The following TCF4 variants were observed in gnomAD, a reference collection of about 807,000 sequenced individuals.
TCF4 encodes transcription factor 4.
TCF4 carries 3 observed loss-of-function variants against 82.1 expected under a neutral mutation model. The observed-to-expected ratio is 0.04, with a 90% CI of 0.02 to 0.09. TCF4 has a LOEUF of 0.09. Among genes scored for constraint, TCF4 ranks in the 10% least tolerant of loss-of-function variants. The pLI, the probability that TCF4 is intolerant of heterozygous loss-of-function variation, is 1.00. For missense variants in TCF4, 518 were observed against 852.7 expected, an observed-to-expected ratio of 0.61 and a Z score of 4.89; for synonymous variants, 276 against 309.6, an observed-to-expected ratio of 0.89 and a Z score of 1.14.
At chr18:55,375,991 G>GTAT in intron 6 of TCF4, among the ~76,000 whole-genome samples, 1 of 125,510 alleles carries the variant, frequency 8.0e-6, no homozygotes, top group East Asian at 2.3e-4. Flanking sequence ...AAGTATCCAT[G>GTAT]TATTATTTTT....
chr18:55,395,947 C>T (rs969273455), intron 6 of TCF4, among the ~76,000 whole-genome samples: 3 of 152,014 alleles, frequency 2.0e-5, no homozygotes, highest in African/African-American at 7.3e-5. Context: ...CCCCTTAAGG[C>T]TGGGCAGTCA....
chr18:55,287,204 A>C (rs1325367182), intron 8 of TCF4, among the ~76,000 whole-genome samples: 1 of 152,254 alleles, frequency 6.6e-6, no homozygotes, highest in Non-Finnish European at 1.5e-5. Context: ...CACCACAAAA[A>C]TCTATGAAAA....
chr18:55,323,123 G>A (rs1197295768), intron 8 of TCF4, among the ~76,000 whole-genome samples: 2 of 152,044 alleles, frequency 1.3e-5, no homozygotes, highest in Non-Finnish European at 2.9e-5. Flanking sequence ...AAAAAGGCGG[G>A]GGGAGGTACA....
At chr18:55,388,285 AT>A (rs2092769229) in intron 6 of TCF4, among the ~76,000 whole-genome samples, 1 of 152,128 alleles carries the variant, frequency 6.6e-6, no homozygotes, top group Non-Finnish European at 1.5e-5. Context: ...GGGGGATGAG[AT>A]GTGGCTGGTG....
chr18:55,538,044 A>G (rs1377537546), intron 3 of TCF4, among the ~76,000 whole-genome samples: 6 of 151,920 alleles, frequency 3.9e-5, no homozygotes, highest in South Asian at 2.1e-4. Context: ...ACACACACAC[A>G]CACACACACA....
At chr18:55,623,356 G>A (rs1603625623) in intron 2 of TCF4, among the ~76,000 whole-genome samples, 1 of 151,990 alleles carries the variant, frequency 6.6e-6, no homozygotes, top group African/African-American at 2.4e-5. Flanking sequence ...AGTTCTTAAA[G>A]CTTTAGCATT....
intron 3 of TCF4, among the ~76,000 whole-genome samples, chr18:55,496,748 T>C (rs548926827): frequency 3.6e-4 from 55 of 152,266 alleles, no homozygotes; most frequent in Non-Finnish European, 2.4e-4. Flanking sequence ...CCCAGTTATA[T>C]AGTCCTTGCC....
At chr18:55,391,955 CTTTTTTTTTTTTTTT>C (rs1212656712) in intron 6 of TCF4, among the ~76,000 whole-genome samples, 1 of 61,710 alleles carries the variant, frequency 1.6e-5, no homozygotes, top group Non-Finnish European at 2.9e-5. Context: ...AAAAAAAAAT[CTTTTTTTTTTTTTTT>C]TTTTTTTTTT....
exon 1 of TCF4, chr18:55,635,754 T>C: frequency 6.4e-7 from 1 of 1,550,626 alleles, no homozygotes; most frequent in Non-Finnish European, 8.7e-7. Flanking sequence ...CCCAAGTGCA[T>C]GTTACAATGT....
chr18:55,576,385 A>T (rs1237869549), intron 3 of TCF4, among the ~76,000 whole-genome samples: 1 of 152,168 alleles, frequency 6.6e-6, no homozygotes, highest in Non-Finnish European at 1.5e-5. Flanking sequence ...ATGGAACTGG[A>T]TTATAATCGG....
intron 5 of TCF4, among the ~76,000 whole-genome samples, chr18:55,439,115 T>C (rs1416894764): frequency 6.6e-6 from 1 of 152,060 alleles, no homozygotes; most frequent in Non-Finnish European, 1.5e-5. Context: ...AAAAAGTACT[T>C]TTGAAAGTAT....
At chr18:55,388,329 A>G (rs929448830) in intron 6 of TCF4, among the ~76,000 whole-genome samples, 1 of 152,162 alleles carries the variant, frequency 6.6e-6, no homozygotes, top group Non-Finnish European at 1.5e-5. Context: ...AGGGCCAGAA[A>G]TTTCCAGGAG....
At chr18:55,571,838 C>T (rs1189147757) in intron 3 of TCF4, among the ~76,000 whole-genome samples, 1 of 144,146 alleles carries the variant, frequency 6.9e-6, no homozygotes, top group Admixed American at 7.0e-5. Context: ...CCATCCCCAG[C>T]TCTGTCAATC....
chr18:55,416,573 T>TA lies in TCF4; in HGVS notation c.305-13056_305-13055insT, dbSNP rs539292059. On this transcript the variant is annotated intron_variant, in intron 5 of 19. Coordinates refer to ENST00000354452, the MANE Select transcript of TCF4 (RefSeq NM_001083962.2). Reference sequence around the variant, plus strand: ...TAACATTTCCATCATAATATATATATTTTTTAGCATCCTTCATAAACTTGA... The same window carrying TA: ...TAACATTTCCATCATAATATATATATATTTTTAGCATCCTTCATAAACTTGA... 4.2e-3 allele frequency among the ~76,000 whole-genome samples: 645 copies of TA among 152,346 alleles called. 8 individuals carry two copies. Among genetic ancestry groups the TA allele is most frequent in the African/African-American group, 0.014 (598 of 41,578 alleles).
chr18:55,428,998 GA>G (rs1301415180), intron 5 of TCF4, among the ~76,000 whole-genome samples: 1 of 151,848 alleles, frequency 6.6e-6, no homozygotes, highest in African/African-American at 2.4e-5. Flanking sequence ...ATATAAGTGG[GA>G]AAAAAACTAA....
intron 2 of TCF4, among the ~76,000 whole-genome samples, chr18:55,597,079 G>T (rs1485002758): frequency 6.6e-6 from 1 of 152,160 alleles, no homozygotes; most frequent in Admixed American, 6.5e-5. Flanking sequence ...GCCATGTGAA[G>T]ATGTGCCTGC....
chr18:55,554,721 A>G (rs2097289511), intron 3 of TCF4, among the ~76,000 whole-genome samples: 1 of 152,236 alleles, frequency 6.6e-6, no homozygotes, highest in Admixed American at 6.5e-5. Context: ...GGTGCCATGC[A>G]GTGGCCCTGG....
At chr18:55,625,883 A>T (rs994950822) in intron 2 of TCF4, among the ~76,000 whole-genome samples, 1 of 152,184 alleles carries the variant, frequency 6.6e-6, no homozygotes, top group African/African-American at 2.4e-5. Context: ...TGTTCTTTTC[A>T]CTGAATGTAA....
At position 55,362,381 on chromosome 18, in the gene TCF4, GGAAGGAAGGAAA is replaced by G. The variant is rs1435400609; in HGVS notation, c.370-11390_370-11379del. Among the ~76,000 whole-genome samples, 513 of 88,672 alleles carry G rather than the reference GGAAGGAAGGAAA, an allele frequency of 5.8e-3. 6 individuals are homozygous for G. The South Asian group carries it at 0.061, about 11-fold the overall frequency. 58.2% of individuals were successfully genotyped at this position (88,672 alleles called of 152,430 possible). On this transcript the variant is annotated intron_variant, in intron 6 of 19. Coordinates refer to ENST00000354452, the MANE Select transcript of TCF4 (RefSeq NM_001083962.2). ...AGGAAGGAAGGAAGGAAGGAAGGAA[GGAAGGAAGGAAA>G]GAAGGAAGGAAGGAAGGAAGGAAGG...
Sources: allele counts gnomAD v4.1 joint callset (sites outside exome capture counted in the v4.1 genomes callset), GRCh38; gene constraint gnomAD v4.1.1; transcripts MANE v1.5; gene names NCBI Gene and HGNC (gene_info 2026-07-23, HGNC 2026-07-21).